The following CALCR variants were observed in gnomAD, a reference collection of about 807,000 sequenced individuals.
CALCR encodes calcitonin receptor.
Under a neutral mutation model 59.5 loss-of-function variants are expected in CALCR, and 47 were observed. The observed-to-expected ratio is 0.79, with a 90% CI of 0.63 to 1.01. CALCR has a LOEUF of 1.01. CALCR is among the 50% of genes least tolerant of loss of function. CALCR has a pLI of 0.00. For synonymous variants in CALCR, 213 were observed against 211.3 expected, an observed-to-expected ratio of 1.01 and a Z score of -0.07; for missense variants, 566 against 597.1, an observed-to-expected ratio of 0.95 and a Z score of 0.54.
chr7:93,510,865 T>C (rs976357352), intron 2 of CALCR, among the ~76,000 whole-genome samples: 2 of 151,998 alleles, frequency 1.3e-5, no homozygotes, highest in Admixed American at 1.3e-4. Flanking sequence ...AGACCTTGTC[T>C]CTACAAAAAC....
At position 93,426,468 on chromosome 7, in the gene CALCR, A is replaced by G. The variant is rs762647041; in HGVS notation, c.1313T>C (p.Ile438Thr). 1.9e-6 allele frequency: 3 copies of G among 1,613,872 alleles called. 1 individual carries two copies. The change falls in exon 14 of 14, where the codon ATC (isoleucine) becomes ACC (threonine). Residue 438 changes from isoleucine to threonine, a missense_variant. Physicochemically the swap from Ile to Thr is moderately conservative, Grantham distance 89 (BLOSUM62 -1). Transcript: ENST00000426151. ...CTCCTGATGGCAGATGTAAATTGGG[A>G]TGTCGCCAGCCTCCGCAGCAGCGGC... Reference protein sequence around the residue: ...AAAAAAEAGDIPIYICHQELR... With the variant: ...AAAAAAEAGDTPIYICHQELR...
At position 93,490,825 on chromosome 7, in the gene CALCR, T is replaced by C. The variant is rs554781786; in HGVS notation, c.-26-3818A>G. 2.0e-5 allele frequency among the ~76,000 whole-genome samples: 3 copies of C among 152,100 alleles called. 1 individual carries two copies. The highest frequency in any genetic ancestry group is 7.2e-5 in the African/African-American group (3 of 41,508). Reference sequence around the variant, plus strand: ...AGAATCGATATCGTGAAAATGGCCATACTGCTCAAAGTAATTTATAGATTC... The same window carrying C: ...AGAATCGATATCGTGAAAATGGCCACACTGCTCAAAGTAATTTATAGATTC... On this transcript the variant is annotated intron_variant, in intron 2 of 13. Coordinates refer to ENST00000426151, the MANE Select transcript of CALCR (RefSeq NM_001742.4).
At chr7:93,473,584 C>T (rs1584563737) in intron 5 of CALCR, among the ~76,000 whole-genome samples, 1 of 144,368 alleles carries the variant, frequency 6.9e-6, no homozygotes, top group Admixed American at 6.9e-5. Flanking sequence ...GGTTTGGCCC[C>T]CCCCCCTTTT....
intron 9 of CALCR, among the ~76,000 whole-genome samples, chr7:93,438,609 G>A (rs2301679): frequency 0.65 from 99,059 of 152,032 alleles, 32,755 homozygotes; most frequent in East Asian, 0.88. Context: ...CTTTCATTGT[G>A]GGTGAACTGG....
intron 2 of CALCR, among the ~76,000 whole-genome samples, chr7:93,503,340 A>G (rs1280576163): frequency 1.3e-5 from 2 of 152,128 alleles, no homozygotes; most frequent in African/African-American, 4.8e-5. Context: ...TTACAACATT[A>G]AGGCCAAAGT....
In CALCR at chr7:93,460,824, G is replaced by T; in HGVS notation, c.645C>A (p.Asp215Glu). The change falls in exon 8 of 14, where the codon GAC becomes GAA. Residue 215 changes from aspartate (D) to glutamate (E), a missense_variant. Asp to Glu is a conservative substitution (Grantham distance 45). Transcript: ENST00000426151. ...AACAAAACTATGCAGTACTTACCGG[G>T]TCCCTTCGCACGAGCTCTCCATTGG... ...VVPNGELVRR[D>E]PVSCKILHFF... 1 of 1,602,836 alleles carries T rather than the reference G, an allele frequency of 6.2e-7. No homozygotes were observed. Among genetic ancestry groups the T allele is most frequent in the Non-Finnish European group, 8.5e-7 (1 of 1,175,150 alleles).
intron 13 of CALCR, among the ~76,000 whole-genome samples, chr7:93,430,783 T>G (rs1307054357): frequency 6.6e-6 from 1 of 152,184 alleles, no homozygotes; most frequent in African/African-American, 2.4e-5. Context: ...AATAGGAAAC[T>G]GCTGCTGGGG....
intron 5 of CALCR, among the ~76,000 whole-genome samples, chr7:93,473,580 G>GC (rs368362442): frequency 2.4e-3 from 330 of 139,680 alleles, no homozygotes; most frequent in South Asian, 4.8e-3. Context: ...CACTGGTTTG[G>GC]CCCCCCCCCC....
At chr7:93,439,383 A>G (rs911674059) in intron 9 of CALCR, among the ~76,000 whole-genome samples, 8 of 152,164 alleles carry the variant, frequency 5.3e-5, no homozygotes, top group Non-Finnish European at 1.0e-4. Context: ...GGGCTCAGAA[A>G]GAGAAACAAA....
intron 2 of CALCR, among the ~76,000 whole-genome samples, chr7:93,493,788 T>C (rs927627142): frequency 6.6e-6 from 1 of 151,382 alleles, no homozygotes; most frequent in African/African-American, 2.4e-5. Context: ...AGATAAGAAA[T>C]TCAGGAGAGG....
In CALCR at chr7:93,460,597, A is replaced by ATATG. The variant is rs1554397847; in HGVS notation, c.648+223_648+224insCATA. ...AATATATATATATATATATATGTATATATATATATATATATGGTTTGTTGT... is the reference window on the plus strand; with the variant it reads ...AATATATATATATATATATATGTATATATGTATATATATATATATGGTTTGTTGT... On this transcript the variant is annotated intron_variant, in intron 8 of 13. Transcript: ENST00000426151. Among the ~76,000 whole-genome samples, 205 of 133,708 alleles carry ATATG rather than the reference A, an allele frequency of 1.5e-3. 4 individuals carry two copies. Among genetic ancestry groups the ATATG allele is most frequent in the African/African-American group, 5.8e-3 (193 of 33,058 alleles). The allele number at this position is 133,708 out of a possible 152,430, so 87.7% of individuals were successfully genotyped here.
At chr7:93,436,733 T>G (rs1799786776) in intron 11 of CALCR, among the ~76,000 whole-genome samples, 1 of 152,210 alleles carries the variant, frequency 6.6e-6, no homozygotes, top group Non-Finnish European at 1.5e-5. Context: ...TGTGTCTTTT[T>G]GGGGGGCCTC....
chr7:93,503,392 A>G (rs1168594238), intron 2 of CALCR, among the ~76,000 whole-genome samples: 1 of 149,054 alleles, frequency 6.7e-6, no homozygotes, highest in Non-Finnish European at 1.5e-5. Flanking sequence ...AGGAAGGAGA[A>G]AGCAAATAAT....
intron 2 of CALCR, among the ~76,000 whole-genome samples, chr7:93,528,887 A>C (rs932397643): frequency 2.6e-5 from 4 of 152,196 alleles, no homozygotes; most frequent in Admixed American, 6.5e-5. Flanking sequence ...AACCAACTTT[A>C]TCGAAAATTT....
At chr7:93,494,452 G>T (rs1415467822) in intron 2 of CALCR, among the ~76,000 whole-genome samples, 1 of 151,434 alleles carries the variant, frequency 6.6e-6, no homozygotes, top group Non-Finnish European at 1.5e-5. Flanking sequence ...TATGAAAACA[G>T]ATCTGAGAGT....
chr7:93,549,010 G>A (rs972152234), intron 2 of CALCR, among the ~76,000 whole-genome samples: 2 of 151,992 alleles, frequency 1.3e-5, no homozygotes, highest in African/African-American at 4.8e-5. Flanking sequence ...GAGGTATTAC[G>A]TTGGATTTAA....
At chr7:93,482,683 A>G (rs1358241120) in intron 3 of CALCR, 1 of 469,820 alleles carries the variant, frequency 2.1e-6, no homozygotes, top group Non-Finnish European at 4.3e-6. Context: ...ATTTGCTTTA[A>G]TGCAGTTTTA....
chr7:93,444,964 T>G (rs1185151798), intron 8 of CALCR, among the ~76,000 whole-genome samples: 2 of 152,116 alleles, frequency 1.3e-5, no homozygotes, highest in Non-Finnish European at 2.9e-5. Context: ...GAGTAGTAAT[T>G]CGTTTACTCA....
At chr7:93,452,421 G>A (rs1031848179) in intron 8 of CALCR, among the ~76,000 whole-genome samples, 1 of 151,806 alleles carries the variant, frequency 6.6e-6, no homozygotes, top group Non-Finnish European at 1.5e-5. Flanking sequence ...AAAGACCCTC[G>A]GCTCACCTGG....
Sources: gnomAD v4.1 joint callset for allele counts (sites outside exome capture counted in the v4.1 genomes callset) on GRCh38, gnomAD v4.1.1 for gene constraint, MANE v1.5 for transcripts, NCBI Gene and HGNC (gene_info 2026-07-23, HGNC 2026-07-21) for gene names.